Variants in ZNRF1 observed in about 807,000 individuals in gnomAD.
The protein encoded by ZNRF1 is E3 ubiquitin-protein ligase ZNRF1.
ZNRF1 carries 3 observed loss-of-function variants against 18.4 expected under a neutral mutation model. The observed-to-expected ratio is 0.16, with a 90% confidence interval of 0.07 to 0.42. The LOEUF (loss-of-function observed/expected upper bound fraction) is 0.42, where lower values mean the gene tolerates loss of function less well. Ranked by LOEUF, ZNRF1 falls within the 10% of genes least tolerant of loss-of-function variation. The pLI is 0.99. For synonymous variants in ZNRF1, 157 were observed against 144.2 expected (o/e 1.09, Z -0.64); for missense variants, 310 against 329.8 (o/e 0.94, Z 0.47).
At chr16:75,068,944 A>C (rs2035836186) in intron 1 of ZNRF1, among the ~76,000 whole-genome samples, 1 of 152,042 alleles carries the variant, frequency 6.6e-6, no homozygotes. Flanking sequence ...GAGCATTAAA[A>C]AATTCGAGGG....
Position 75,080,498 on chromosome 16 carries a change from C to T in ZNRF1, c.425-13074C>T, listed in dbSNP as rs151219560. On this transcript the variant is annotated intron_variant, in intron 1 of 4. Coordinates refer to ENST00000335325, the MANE Select transcript of ZNRF1 (RefSeq NM_032268.5). ...TTTCTTGCTGGCAAAAAATTCCTAT[C>T]AGCCAGTAGGGTGGACAGTAGGGTA... Among the ~76,000 whole-genome samples, 88 of 152,308 alleles carry T rather than the reference C, an allele frequency of 5.8e-4. 3 individuals carry two copies. The East Asian group carries it at 0.016, about 28-fold the overall frequency.
At chr16:75,059,663 T>C (rs190419480) in intron 1 of ZNRF1, among the ~76,000 whole-genome samples, 5 of 152,182 alleles carry the variant, frequency 3.3e-5, no homozygotes, top group Admixed American at 6.5e-5. Context: ...TCAGGTCTTA[T>C]CTGATCCTTC....
In ZNRF1 at chr16:75,000,969, T is replaced by C. The variant is rs182682140; in HGVS notation, c.424+874T>C. On this transcript the variant is annotated intron_variant, in intron 1 of 4. Coordinates refer to ENST00000335325, the MANE Select transcript of ZNRF1 (RefSeq NM_032268.5). ...CTTCTGGTGACAGGCCAGCAAAAGG[T>C]TGGAGGGGGATTTCCCAGGCTCCTA... Among the ~76,000 whole-genome samples the C allele has an allele frequency of 3.6e-3, 548 of 152,114 alleles. 5 individuals are homozygous for C. The highest frequency in any genetic ancestry group is 0.012 in the African/African-American group (518 of 41,472).
chr16:75,071,098 C>CTTTTTTTTT (rs56690008), intron 1 of ZNRF1, among the ~76,000 whole-genome samples: 1 of 143,468 alleles, frequency 7.0e-6, no homozygotes, highest in Non-Finnish European at 1.5e-5. Flanking sequence ...GCACAGGTGT[C>CTTTTTTTTT]TTTTTTTTTT....
chr16:75,057,785 T>C (rs1405886032), intron 1 of ZNRF1, among the ~76,000 whole-genome samples: 1 of 152,128 alleles, frequency 6.6e-6, no homozygotes, highest in Non-Finnish European at 1.5e-5. Flanking sequence ...GGATTACAGG[T>C]GTGCACTACC....
In ZNRF1 at chr16:74,999,399, C is replaced by T. The variant is rs8053898; in HGVS notation, c.-273C>T. 0.07 allele frequency: 20,657 copies of T among 293,546 alleles called. 854 individuals carry two copies. Among genetic ancestry groups the T allele is most frequent in the East Asian group, 0.14 (2,649 of 18,586 alleles). 18.2% of individuals were successfully genotyped at this position (293,546 alleles called of 1,614,324 possible). Reference sequence around the variant, plus strand: ...GGGGGCGGCCTGTGGCGCGCGGAGCCCGCGCCGGACTGCGCCTCTTTGGAC... The same window carrying T: ...GGGGGCGGCCTGTGGCGCGCGGAGCTCGCGCCGGACTGCGCCTCTTTGGAC... On this transcript the variant is annotated 5_prime_UTR_variant, in exon 1 of 5. Coordinates refer to ENST00000335325, the MANE Select transcript of ZNRF1 (RefSeq NM_032268.5).
intron 1 of ZNRF1, among the ~76,000 whole-genome samples, chr16:75,075,346 C>T (rs1293693629): frequency 1.3e-5 from 2 of 152,258 alleles, no homozygotes; most frequent in Admixed American, 6.5e-5. Context: ...CACACATGAT[C>T]GTTCTCTGCA....
At chr16:75,019,248 C>T (rs933034231) in intron 1 of ZNRF1, among the ~76,000 whole-genome samples, 3 of 151,546 alleles carry the variant, frequency 2.0e-5, no homozygotes, top group African/African-American at 7.3e-5. Context: ...CTGTGTTGCT[C>T]AGGCTGGTCG....
intron 1 of ZNRF1, among the ~76,000 whole-genome samples, chr16:75,063,200 G>A (rs898919605): frequency 6.6e-6 from 1 of 152,156 alleles, no homozygotes; most frequent in Admixed American, 6.5e-5. Flanking sequence ...ACATAGCCCC[G>A]CTTCCCCAGC....
At chr16:75,095,336 G>A (rs541283689) in intron 2 of ZNRF1, among the ~76,000 whole-genome samples, 1 of 152,092 alleles carries the variant, frequency 6.6e-6, no homozygotes, top group Non-Finnish European at 1.5e-5. Flanking sequence ...CTCTAAGTCT[G>A]TTGTCACATG....
intron 1 of ZNRF1, among the ~76,000 whole-genome samples, chr16:75,048,003 A>G (rs1415061609): frequency 1.3e-5 from 2 of 151,066 alleles, no homozygotes; most frequent in South Asian, 4.2e-4. Flanking sequence ...CTAGGTTAGC[A>G]TGCAGTGGTG....
chr16:75,059,641 T>C (rs1451509213), intron 1 of ZNRF1, among the ~76,000 whole-genome samples: 1 of 152,132 alleles, frequency 6.6e-6, no homozygotes, highest in Non-Finnish European at 1.5e-5. Flanking sequence ...ATCTATCTCT[T>C]GAAGTTTGTT....
intron 1 of ZNRF1, among the ~76,000 whole-genome samples, chr16:75,044,917 A>G (rs766015207): frequency 3.3e-5 from 5 of 152,214 alleles, no homozygotes; most frequent in Non-Finnish European, 7.3e-5. Flanking sequence ...CCATGGGCCT[A>G]TTCAAAGTGG....
chr16:75,056,469 C>T (rs1247526593), intron 1 of ZNRF1, among the ~76,000 whole-genome samples: 1 of 152,102 alleles, frequency 6.6e-6, no homozygotes, highest in Non-Finnish European at 1.5e-5. Context: ...TGATGTTTAC[C>T]TTTCTTGGTT....
chr16:75,029,915 A>T (rs2035278293), intron 1 of ZNRF1, among the ~76,000 whole-genome samples: 1 of 151,790 alleles, frequency 6.6e-6, no homozygotes, highest in Non-Finnish European at 1.5e-5. Context: ...AAAATTAGCC[A>T]GGTGTTGTGT....
chr16:75,040,970 G>A (rs2035440784), intron 1 of ZNRF1, among the ~76,000 whole-genome samples: 1 of 152,110 alleles, frequency 6.6e-6, no homozygotes, highest in South Asian at 2.1e-4. Flanking sequence ...GCTGACATCG[G>A]TAGTTTTTAT....
chr16:75,096,761 A>G (rs564759907), intron 2 of ZNRF1, among the ~76,000 whole-genome samples: 22 of 152,324 alleles, frequency 1.4e-4, no homozygotes, highest in Non-Finnish European at 2.6e-4. Context: ...AACCTCCTAA[A>G]TGAGGCAGAT....
chr16:75,040,174 A>G (rs2035426378), intron 1 of ZNRF1, among the ~76,000 whole-genome samples: 2 of 150,296 alleles, frequency 1.3e-5, no homozygotes, highest in South Asian at 4.2e-4. Flanking sequence ...CCTTCCACGT[A>G]GCTGGCACTG....
intron 1 of ZNRF1, among the ~76,000 whole-genome samples, chr16:75,086,930 C>A (rs1404901572): frequency 6.6e-6 from 1 of 151,826 alleles, no homozygotes; most frequent in Non-Finnish European, 1.5e-5. Context: ...TTTAAAATAG[C>A]GCATCAGCAT....
Sources: allele counts gnomAD v4.1 joint callset (sites outside exome capture counted in the v4.1 genomes callset), GRCh38; gene constraint gnomAD v4.1.1; transcripts MANE v1.5; gene names NCBI Gene and HGNC (gene_info 2026-07-23, HGNC 2026-07-21).